The following STAG1 variants were observed in gnomAD, a reference collection of about 807,000 sequenced individuals.
The protein encoded by STAG1 is cohesin subunit SA-1.
STAG1 carries 26 observed loss-of-function variants against 170.9 expected under a neutral mutation model. The observed-to-expected ratio is 0.15, with a 90% CI of 0.11 to 0.21. STAG1 has a LOEUF of 0.21. STAG1 is among the 10% of genes least tolerant of loss of function. The pLI is 1.00. For missense variants in STAG1, 964 were observed against 1,509.5 expected (o/e 0.64, Z 5.99); for synonymous variants, 514 against 497.7 (o/e 1.03, Z -0.44).
chr3:136,418,101 C>A (rs2087826675), intron 20 of STAG1, 129 bp from the exon 21 acceptor site: 2 of 711,834 alleles, frequency 2.8e-6, no homozygotes, highest in Admixed American at 5.3e-5. Context: ...CGCCTGTAAT[C>A]CCAGCACTCT....
intron 5 of STAG1, among the ~76,000 whole-genome samples, chr3:136,565,827 C>T (rs1371273326): frequency 6.6e-6 from 1 of 152,150 alleles, no homozygotes; most frequent in East Asian, 1.9e-4. Flanking sequence ...TATATACATA[C>T]GATGGATTAT....
intron 3 of STAG1, 108 bp from the exon 4 acceptor site, chr3:136,604,581 A>T: frequency 9.8e-7 from 1 of 1,025,414 alleles, no homozygotes; most frequent in Non-Finnish European, 1.3e-6. Flanking sequence ...GAAACTTTAA[A>T]ATTTCTTCTC....
At chr3:136,491,567 A>G (rs1308378246) in intron 9 of STAG1, among the ~76,000 whole-genome samples, 1 of 152,210 alleles carries the variant, frequency 6.6e-6, no homozygotes, top group Non-Finnish European at 1.5e-5. Context: ...GAAACTGATC[A>G]TTTGGTCTGA....
chr3:136,677,923 C>A (rs1364721264), intron 1 of STAG1, among the ~76,000 whole-genome samples: 1 of 146,246 alleles, frequency 6.8e-6, no homozygotes, highest in African/African-American at 2.5e-5. Flanking sequence ...ATATTTAGTA[C>A]TTTGATATAT....
intron 9 of STAG1, among the ~76,000 whole-genome samples, chr3:136,491,745 C>A (rs551916053): frequency 4.1e-4 from 62 of 152,290 alleles, no homozygotes; most frequent in Non-Finnish European, 7.8e-4. Flanking sequence ...GTAATCCCAG[C>A]ACGTTGGGAG....
At chr3:136,479,298 A>G (rs1427729639) in intron 9 of STAG1, among the ~76,000 whole-genome samples, 2 of 128,146 alleles carry the variant, frequency 1.6e-5, no homozygotes, top group South Asian at 2.9e-4. Flanking sequence ...TCATTGTTCA[A>G]TTCCCACCTA....
chr3:136,633,857 C>T (rs936881748), intron 1 of STAG1, among the ~76,000 whole-genome samples: 5 of 147,994 alleles, frequency 3.4e-5, no homozygotes, highest in African/African-American at 1.2e-4. Flanking sequence ...GGCACAGTAG[C>T]CCACGCTTAT....
chr3:136,453,572 C>T (rs1024847515), intron 13 of STAG1, among the ~76,000 whole-genome samples: 17 of 135,886 alleles, frequency 1.3e-4, no homozygotes, highest in African/African-American at 4.0e-4. Flanking sequence ...GCCTGGGTGA[C>T]AGAGCGAGAC....
intron 21 of STAG1, among the ~76,000 whole-genome samples, chr3:136,411,404 A>T (rs1338368083): frequency 6.6e-6 from 1 of 152,178 alleles, no homozygotes; most frequent in African/African-American, 2.4e-5. Context: ...CCAACAGAAA[A>T]TAGGAACAAA....
chr3:136,453,724 G>C (rs1040115934), intron 13 of STAG1, among the ~76,000 whole-genome samples: 2 of 151,010 alleles, frequency 1.3e-5, no homozygotes, highest in African/African-American at 4.9e-5. Context: ...CGGTAGATAA[G>C]TATATACTGT....
intron 1 of STAG1, among the ~76,000 whole-genome samples, chr3:136,680,555 G>A (rs1007206383): frequency 1.3e-5 from 2 of 151,884 alleles, no homozygotes; most frequent in Non-Finnish European, 2.9e-5. Flanking sequence ...ACAACGGGAA[G>A]GAAAGTTGAA....
intron 13 of STAG1, among the ~76,000 whole-genome samples, chr3:136,462,533 G>T (rs1441112634): frequency 6.6e-6 from 1 of 152,064 alleles, no homozygotes; most frequent in Non-Finnish European, 1.5e-5. Flanking sequence ...ACCAGAGGGT[G>T]GAATAAAGAG....
intron 30 of STAG1, among the ~76,000 whole-genome samples, chr3:136,343,366 A>C (rs1304202561): frequency 6.6e-6 from 1 of 152,260 alleles, no homozygotes; most frequent in Non-Finnish European, 1.5e-5. Flanking sequence ...TTATCAAGTA[A>C]GATCTTAAAA....
chr3:136,608,125 C>T (rs746782807), intron 3 of STAG1, among the ~76,000 whole-genome samples: 2 of 152,016 alleles, frequency 1.3e-5, no homozygotes, highest in Non-Finnish European at 2.9e-5. Flanking sequence ...GGCGTGGTGG[C>T]ACATGCCTGT....
chr3:136,374,640 TG>T (rs199584630), intron 23 of STAG1, among the ~76,000 whole-genome samples: 4,326 of 151,978 alleles, frequency 0.028, 192 homozygotes, highest in African/African-American at 0.097. Flanking sequence ...TTTTTTTTTT[TG>T]TACAGCTGTT....
intron 21 of STAG1, among the ~76,000 whole-genome samples, chr3:136,400,288 C>T (rs1014407815): frequency 6.6e-5 from 10 of 151,498 alleles, no homozygotes; most frequent in Admixed American, 3.9e-4. Flanking sequence ...AGTGCAGTGG[C>T]GTGATCTCGG....
chr3:136,606,272 T>G (rs1938932907), intron 3 of STAG1, among the ~76,000 whole-genome samples: 1 of 151,980 alleles, frequency 6.6e-6, no homozygotes, highest in Non-Finnish European at 1.5e-5. Flanking sequence ...CACTGCAACC[T>G]CCGCCTCCCA....
intron 7 of STAG1, among the ~76,000 whole-genome samples, chr3:136,508,629 G>C (rs889245242): frequency 1.3e-5 from 2 of 152,254 alleles, no homozygotes; most frequent in African/African-American, 4.8e-5. Flanking sequence ...CAAGGTTGCA[G>C]TAATCCACAA....
intron 13 of STAG1, among the ~76,000 whole-genome samples, chr3:136,464,477 T>A (rs568634201): frequency 9.2e-5 from 14 of 151,454 alleles, no homozygotes; most frequent in African/African-American, 2.4e-4. Context: ...TGAAAAAAAA[T>A]GAAAATTTGG....
Sources: allele counts gnomAD v4.1 joint callset (sites outside exome capture counted in the v4.1 genomes callset), GRCh38; gene constraint gnomAD v4.1.1; transcripts MANE v1.5; gene names NCBI Gene and HGNC (gene_info 2026-07-23, HGNC 2026-07-21).